The following PARD3 variants were observed in gnomAD, a reference collection of about 807,000 sequenced individuals.
PARD3 encodes the protein partitioning defective 3 homolog.
PARD3 carries 75 observed loss-of-function variants against 155.4 expected under a neutral mutation model. The observed-to-expected ratio is 0.48, with a 90% CI of 0.40 to 0.58. The LOEUF (loss-of-function observed/expected upper bound fraction) is 0.58, where lower values mean the gene tolerates loss of function less well. Among genes scored for constraint, PARD3 ranks in the 20% least tolerant of loss-of-function variants. PARD3 has a pLI of 0.00. For synonymous variants in PARD3, 576 were observed against 610.5 expected (o/e 0.94, Z 0.83); for missense variants, 1,642 against 1,721.7 (o/e 0.95, Z 0.82).
At chr10:34,679,785 G>A (rs904854007) in intron 2 of PARD3, among the ~76,000 whole-genome samples, 1 of 152,080 alleles carries the variant, frequency 6.6e-6, no homozygotes, top group Admixed American at 6.6e-5. Flanking sequence ...AAGACAAGTC[G>A]TCTGTGCAGG....
intron 4 of PARD3, among the ~76,000 whole-genome samples, chr10:34,468,494 T>TA (rs987471556): frequency 5.7e-4 from 87 of 152,250 alleles, no homozygotes; most frequent in African/African-American, 2.1e-3. Flanking sequence ...AGGTCTGTTC[T>TA]AAAAAAAGAT....
chr10:34,590,037 T>C (rs1019766663), intron 2 of PARD3, among the ~76,000 whole-genome samples: 6 of 152,190 alleles, frequency 3.9e-5, no homozygotes, highest in African/African-American at 1.4e-4. Flanking sequence ...CATACACTTA[T>C]TTCCATGAAA....
intron 9 of PARD3, among the ~76,000 whole-genome samples, chr10:34,381,272 A>G (rs1335467817): frequency 6.6e-6 from 1 of 152,226 alleles, no homozygotes; most frequent in Non-Finnish European, 1.5e-5. Flanking sequence ...ACATGACCTG[A>G]GGAAATAATG....
At chr10:34,424,003 A>T (rs1352962142) in intron 5 of PARD3, among the ~76,000 whole-genome samples, 1 of 152,202 alleles carries the variant, frequency 6.6e-6, no homozygotes, top group Non-Finnish European at 1.5e-5. Context: ...AGCAAAAAGC[A>T]ACTCACCACA....
intron 14 of PARD3, among the ~76,000 whole-genome samples, chr10:34,357,360 T>C (rs905239072): frequency 3.9e-5 from 6 of 152,204 alleles, no homozygotes; most frequent in Admixed American, 1.3e-4. Flanking sequence ...ATCTGTCTTA[T>C]TCACTGCTAT....
At chr10:34,371,483 ACT>A (rs1840606175) in intron 12 of PARD3, among the ~76,000 whole-genome samples, 1 of 107,560 alleles carries the variant, frequency 9.3e-6, no homozygotes, top group Non-Finnish European at 1.8e-5. Context: ...GAGATTCTAG[ACT>A]CAAAAAAAAA....
At chr10:34,664,839 C>G (rs766521622) in intron 2 of PARD3, among the ~76,000 whole-genome samples, 33 of 152,152 alleles carry the variant, frequency 2.2e-4, no homozygotes, top group Non-Finnish European at 3.8e-4. Flanking sequence ...TCACTTCAGA[C>G]AAGGCTGTGA....
In PARD3 at chr10:34,450,178, T is replaced by C. The variant is rs140820769; in HGVS notation, c.714+139A>G. ...CATTTATGTTAGATAAACTCTGACA[T>C]AGAGATTGGTACTTAACTAAAGTTT... On this transcript the variant is annotated intron_variant, in intron 5 of 24. Transcript: ENST00000374788. 532 of 713,552 alleles carry C rather than the reference T, an allele frequency of 7.5e-4. 4 individuals carry two copies. In the African/African-American group the frequency reaches 7.7e-3, roughly 10 times the overall value. The allele number at this position is 713,552 out of a possible 1,614,324, so 44.2% of individuals were successfully genotyped here.
chr10:34,599,472 C>T (rs2089582861), intron 2 of PARD3, among the ~76,000 whole-genome samples: 3 of 152,124 alleles, frequency 2.0e-5, no homozygotes, highest in Non-Finnish European at 2.9e-5. Flanking sequence ...TTCAGACTGC[C>T]GGCATGGAAC....
At chr10:34,787,040 A>G (rs1211276468) in intron 1 of PARD3, among the ~76,000 whole-genome samples, 1 of 152,196 alleles carries the variant, frequency 6.6e-6, no homozygotes, top group Non-Finnish European at 1.5e-5. Flanking sequence ...TCTTTTATCA[A>G]TCCTTAGAGA....
intron 2 of PARD3, among the ~76,000 whole-genome samples, chr10:34,532,015 C>T (rs1363947951): frequency 2.6e-5 from 4 of 152,160 alleles, no homozygotes; most frequent in African/African-American, 4.8e-5. Context: ...TATGATATTA[C>T]TATAGTAGTG....
At chr10:34,765,008 A>G (rs1429138283) in intron 1 of PARD3, among the ~76,000 whole-genome samples, 1 of 152,210 alleles carries the variant, frequency 6.6e-6, no homozygotes, top group Non-Finnish European at 1.5e-5. Flanking sequence ...TGCCACCCAC[A>G]GCAGGAAAGA....
At chr10:34,188,213 A>T (rs529103263) in intron 22 of PARD3, among the ~76,000 whole-genome samples, 1 of 152,214 alleles carries the variant, frequency 6.6e-6, no homozygotes, top group Non-Finnish European at 1.5e-5. Flanking sequence ...GAGTTGGAAG[A>T]TTCATTGTCT....
At chr10:34,629,488 A>C (rs2092153421) in intron 2 of PARD3, among the ~76,000 whole-genome samples, 1 of 152,218 alleles carries the variant, frequency 6.6e-6, no homozygotes. Context: ...AAGGTCAATG[A>C]ATCCAGATTT....
chr10:34,782,288 A>T (rs979822982), intron 1 of PARD3, among the ~76,000 whole-genome samples: 2 of 152,188 alleles, frequency 1.3e-5, no homozygotes, highest in African/African-American at 4.8e-5. Context: ...AAGTTCTAAG[A>T]CAGCAGAGGC....
At chr10:34,302,344 G>C (rs1957195970) in intron 20 of PARD3, among the ~76,000 whole-genome samples, 1 of 152,182 alleles carries the variant, frequency 6.6e-6, no homozygotes, top group Admixed American at 6.5e-5. Context: ...ACCAGGAGGA[G>C]TTCTAAAATG....
intron 22 of PARD3, among the ~76,000 whole-genome samples, chr10:34,164,369 T>C (rs1949424488): frequency 6.6e-6 from 1 of 152,254 alleles, no homozygotes; most frequent in Admixed American, 6.5e-5. Context: ...ACTGCCCTCA[T>C]CATTCTTGTA....
At chr10:34,471,641 G>A (rs149296288) in intron 3 of PARD3, among the ~76,000 whole-genome samples, 44 of 152,222 alleles carry the variant, frequency 2.9e-4, no homozygotes, top group East Asian at 1.4e-3. Context: ...AGCAAACTCC[G>A]CCTCCTGGGT....
intron 12 of PARD3, among the ~76,000 whole-genome samples, chr10:34,369,299 GATTT>G (rs762236370): frequency 7.9e-4 from 107 of 134,828 alleles, no homozygotes; most frequent in Middle Eastern, 3.5e-3. Context: ...AGATTTTTGT[GATTT>G]ATTTATTTAT....
Sources: gnomAD v4.1 joint callset for allele counts (sites outside exome capture counted in the v4.1 genomes callset) on GRCh38, gnomAD v4.1.1 for gene constraint, MANE v1.5 for transcripts, NCBI Gene and HGNC (gene_info 2026-07-23, HGNC 2026-07-21) for gene names.